The following APOLD1 variants were observed in gnomAD, a reference collection of about 807,000 sequenced individuals.
APOLD1 encodes the protein apolipoprotein L domain-containing protein 1.
In APOLD1, 22 loss-of-function variants were observed where a neutral mutation model predicts 15.3. The observed-to-expected ratio is 1.44, with a 90% CI of 1.03 to 2.05. The LOEUF (loss-of-function observed/expected upper bound fraction) is 2.05. Among genes scored for constraint, APOLD1 ranks in the 30% most tolerant of loss-of-function variants. The pLI, the probability that APOLD1 is intolerant of heterozygous loss-of-function variation, is 0.00. For missense variants in APOLD1, 394 were observed against 353.5 expected, an observed-to-expected ratio of 1.11 and a Z score of -0.92; for synonymous variants, 190 against 167.4, an observed-to-expected ratio of 1.13 and a Z score of -1.04.
chr12:12,763,814 A>T (rs927519644), intron 1 of APOLD1, among the ~76,000 whole-genome samples: 1 of 152,170 alleles, frequency 6.6e-6, no homozygotes, highest in Non-Finnish European at 1.5e-5. Flanking sequence ...AATATGTGTT[A>T]TATAAATGGT....
At chr12:12,783,630 G>GTTTTTTTTTTT (rs60822688), upstream of APOLD1, among the ~76,000 whole-genome samples, 11 of 123,962 alleles carry the variant, frequency 8.9e-5, no homozygotes, top group Non-Finnish European at 1.2e-4. Context: ...GTTTTTTTTT[G>GTTTTTTTTTTT]TTTTTTTTTT....
intron 1 of APOLD1, among the ~76,000 whole-genome samples, chr12:12,747,105 G>A (rs1171197810): frequency 6.6e-6 from 1 of 152,098 alleles, no homozygotes; most frequent in Non-Finnish European, 1.5e-5. Flanking sequence ...AATTACCCAT[G>A]TAATAATACA....
intron 1 of APOLD1, among the ~76,000 whole-genome samples, chr12:12,772,493 A>G (rs1946996644): frequency 1.3e-5 from 2 of 152,238 alleles, no homozygotes; most frequent in African/African-American, 2.4e-5. Context: ...TGAAGCAAAA[A>G]CTGACAGAAC....
At chr12:12,776,003 C>CAAAA (rs34623976) in intron 1 of APOLD1, among the ~76,000 whole-genome samples, 1,877 of 62,004 alleles carry the variant, frequency 0.03, 165 homozygotes, top group African/African-American at 0.056. Context: ...GACCCAGTCT[C>CAAAA]AAAAAAAAAA....
chr12:12,742,607 A>C (rs575911419), intron 1 of APOLD1, among the ~76,000 whole-genome samples: 8 of 152,178 alleles, frequency 5.3e-5, no homozygotes, highest in Non-Finnish European at 1.0e-4. Context: ...TCTACTAAAA[A>C]TTCAAAAATT....
intron 1 of APOLD1, among the ~76,000 whole-genome samples, chr12:12,754,876 C>CA (rs56984147): frequency 0.016 from 1,562 of 98,728 alleles, 44 homozygotes; most frequent in African/African-American, 0.041. Context: ...CTTTGTCTCT[C>CA]AAAAAAAAAA....
chr12:12,790,455 T>G lies in APOLD1; in HGVS notation c.*2803T>G, dbSNP rs1421021485. On this transcript the variant is annotated 3_prime_UTR_variant, in exon 2 of 2. Coordinates refer to ENST00000356591, the MANE Select transcript of APOLD1 (RefSeq NM_030817.3). ...CCCTAACTCCATCTTTTATTAATGC[T>G]TAAGTTTAAATTATATTCTTCCAAT... 1 of 152,250 alleles carries G rather than the reference T, an allele frequency of 6.6e-6. No individual in the cohort carries two copies. The highest frequency in any genetic ancestry group is 2.4e-5 in the African/African-American group (1 of 41,462). 9.4% of individuals were successfully genotyped at this position (152,250 alleles called of 1,614,324 possible).
chr12:12,789,173 AAAT>A lies in APOLD1; in HGVS notation c.*1527_*1529del, dbSNP rs1170747520. The A allele has an allele frequency of 6.6e-6, 1 of 152,194 alleles. No homozygotes were observed. The highest frequency in any genetic ancestry group is 1.9e-4 in the East Asian group (1 of 5,208). 9.4% of individuals were successfully genotyped at this position (152,194 alleles called of 1,614,324 possible). ...ATTTTATTTAATCACCACATTTAGAAAATAATAAGAGCAAGTTTCTAAATGGGA... is the reference window on the plus strand; with the variant it reads ...ATTTTATTTAATCACCACATTTAGAAAATAAGAGCAAGTTTCTAAATGGGA... On this transcript the variant is annotated 3_prime_UTR_variant, in exon 2 of 2. Coordinates refer to ENST00000356591, the MANE Select transcript of APOLD1 (RefSeq NM_030817.3).
chr12:12,753,383 G>A (rs1046684318), intron 1 of APOLD1, among the ~76,000 whole-genome samples: 1 of 152,150 alleles, frequency 6.6e-6, no homozygotes, highest in Non-Finnish European at 1.5e-5. Flanking sequence ...TAATAGAAGG[G>A]GGTTGGGTGT....
intron 1 of APOLD1, among the ~76,000 whole-genome samples, chr12:12,774,476 G>A (rs1947013177): frequency 7.1e-6 from 1 of 141,530 alleles, no homozygotes; most frequent in South Asian, 2.2e-4. Flanking sequence ...AACCCAGAAG[G>A]CAGAGGTTGC....
At chr12:12,785,056 C>T (rs76551847), upstream of APOLD1, among the ~76,000 whole-genome samples, 1,506 of 152,228 alleles carry the variant, frequency 9.9e-3, 24 homozygotes, top group African/African-American at 0.034. Context: ...TTTCTGAGAC[C>T]GCCAATGTCT....
At chr12:12,759,347 G>C (rs1465589627) in intron 1 of APOLD1, among the ~76,000 whole-genome samples, 1 of 151,766 alleles carries the variant, frequency 6.6e-6, no homozygotes, top group Non-Finnish European at 1.5e-5. Flanking sequence ...AGCTCAAGTT[G>C]TCCCATCTTG....
At chr12:12,759,002 A>T (rs1343617693) in intron 1 of APOLD1, among the ~76,000 whole-genome samples, 1 of 152,152 alleles carries the variant, frequency 6.6e-6, no homozygotes, top group East Asian at 1.9e-4. Context: ...GATAACCAAG[A>T]AGGTTACTAA....
At chr12:12,770,741 G>A (rs1946981069) in intron 1 of APOLD1, among the ~76,000 whole-genome samples, 1 of 147,106 alleles carries the variant, frequency 6.8e-6, no homozygotes, top group South Asian at 2.2e-4. Flanking sequence ...CCAAATCACA[G>A]ATCCAGAAAG....
At chr12:12,757,994 T>C (rs1946869092) in intron 1 of APOLD1, among the ~76,000 whole-genome samples, 2 of 149,692 alleles carry the variant, frequency 1.3e-5, no homozygotes, top group Middle Eastern at 6.8e-3. Flanking sequence ...GGTGCGATCT[T>C]GGCTCACTGC....
In APOLD1 at chr12:12,728,665, C is replaced by CAAAAAAA. The variant is rs58877184; in HGVS notation, c.96+2589_96+2595dup. Among the ~76,000 whole-genome samples, 107 of 62,824 alleles carry CAAAAAAA rather than the reference C, an allele frequency of 1.7e-3. 4 individuals carry two copies. The highest frequency in any genetic ancestry group is 2.4e-3 in the South Asian group (5 of 2,074). 41.2% of individuals were successfully genotyped at this position (62,824 alleles called of 152,430 possible). On this transcript the variant is annotated intron_variant, in intron 1 of 1. Coordinates refer to the APOLD1 transcript ENST00000326765. ...CCTGGGCAACAGTGAGACCCTGTCT[C>CAAAAAAA]AAAAAAAAAAAAAAAAAAAAAAAAA...
rs2110596 is a variant in APOLD1, at chr12:12,787,896, T to C, written c.*244T>C. 0.25 allele frequency: 129,474 copies of C among 511,068 alleles called. 18,062 individuals are homozygous for C. Among genetic ancestry groups the C allele is most frequent in the Admixed American group, 0.33 (8,432 of 25,876 alleles). 31.7% of individuals were successfully genotyped at this position (511,068 alleles called of 1,614,324 possible). A position where few individuals can be genotyped will look rare whatever the true frequency, so the allele number is the denominator to read the frequency against. ...GTGGAAAAATGTGACCCAAAAACTC[T>C]TTTTCCTTTATCAAAAACTTTCTGT... On this transcript the variant is annotated 3_prime_UTR_variant, in exon 2 of 2. Transcript: ENST00000356591. The surrounding 1 kb of genome is among the most constrained non-coding windows in gnomAD (Gnocchi z 4.9).
At chr12:12,746,491 C>T (rs1224612332) in intron 1 of APOLD1, among the ~76,000 whole-genome samples, 1 of 44,088 alleles carries the variant, frequency 2.3e-5, no homozygotes, top group Non-Finnish European at 5.6e-5. Context: ...AGTGAAACTC[C>T]ATCTCAAATA....
intron 1 of APOLD1, among the ~76,000 whole-genome samples, chr12:12,756,755 G>T (rs1946860089): frequency 6.6e-6 from 1 of 151,970 alleles, no homozygotes; most frequent in African/African-American, 2.4e-5. Flanking sequence ...AATATAAGTG[G>T]AACCATATAA....
Sources: allele counts gnomAD v4.1 joint callset (sites outside exome capture counted in the v4.1 genomes callset), GRCh38; gene constraint gnomAD v4.1.1; non-coding constraint Gnocchi (gnomAD v3.1); transcripts MANE v1.5; gene names NCBI Gene and HGNC (gene_info 2026-07-23, HGNC 2026-07-21).